Variants in EYS observed in about 807,000 individuals in gnomAD.
The protein encoded by EYS is protein eyes shut homolog.
In EYS, 250 loss-of-function variants were observed where a neutral mutation model predicts 282.1. The ratio of observed to expected loss-of-function variants is 0.89; its 90% CI spans 0.80 to 0.98. The LOEUF is 0.98. EYS is among the 50% of genes least tolerant of loss of function. The pLI, the probability that EYS is intolerant of heterozygous loss-of-function variation, is 0.00. For synonymous variants in EYS, 1,355 were observed against 1,282.9 expected (o/e 1.06, Z -1.20); for missense variants, 4,016 against 3,709.0 (o/e 1.08, Z -2.15).
intron 12 of EYS, among the ~76,000 whole-genome samples, chr6:65,272,088 C>A (rs1033740811): frequency 6.6e-6 from 1 of 152,138 alleles, no homozygotes; most frequent in Non-Finnish European, 1.5e-5. Flanking sequence ...TTTCTTTTCC[C>A]AGTCTGTCTA....
In EYS at chr6:65,453,154, C is replaced by T. The variant is rs548567575; in HGVS notation, c.862+37440G>A. Among the ~76,000 whole-genome samples the T allele has an allele frequency of 1.2e-3, 178 of 152,006 alleles. 4 individuals carry two copies. The South Asian group carries it at 0.036, about 30-fold the overall frequency. ...GGTATGTATGGGCAGGTTTATTGTT[C>T]GAAGTCCATATACAAACATAGCGTG... On this transcript the variant is annotated intron_variant, in intron 5 of 42. Coordinates refer to ENST00000503581, the MANE Select transcript of EYS (RefSeq NM_001142800.2).
At chr6:65,192,457 A>G (rs768170631) in intron 12 of EYS, among the ~76,000 whole-genome samples, 7 of 151,768 alleles carry the variant, frequency 4.6e-5, no homozygotes, top group African/African-American at 1.7e-4. Context: ...AAAAATGTTA[A>G]TAAAGGACTA....
At chr6:65,681,814 T>C (rs1768833291) in intron 1 of EYS, among the ~76,000 whole-genome samples, 1 of 151,902 alleles carries the variant, frequency 6.6e-6, no homozygotes, top group Non-Finnish European at 1.5e-5. Context: ...TTTGAGCCTC[T>C]TGCTAGTTTT....
Position 63,772,895 on chromosome 6 carries a change from G to A in EYS, c.7898+5111C>T, listed in dbSNP as rs1227211012. Among the ~76,000 whole-genome samples the A allele has an allele frequency of 3.9e-5, 6 of 152,054 alleles. No individual in the cohort carries two copies. The South Asian group carries it at 1.0e-3, about 26-fold the overall frequency. Reference sequence around the variant, plus strand: ...TTGCATTTTTTTCTTAGAAAAATATGAGCATATTTGTATGTGTATCTATAT... The same window carrying A: ...TTGCATTTTTTTCTTAGAAAAATATAAGCATATTTGTATGTGTATCTATAT... On this transcript the variant is annotated intron_variant, in intron 40 of 42. Coordinates refer to ENST00000503581, the MANE Select transcript of EYS (RefSeq NM_001142800.2).
chr6:64,346,718 C>T (rs1001749400), intron 29 of EYS, among the ~76,000 whole-genome samples: 1 of 150,578 alleles, frequency 6.6e-6, no homozygotes, highest in African/African-American at 2.4e-5. Context: ...TAAAATTAAA[C>T]AAAACAAAAC....
intron 19 of EYS, among the ~76,000 whole-genome samples, chr6:64,858,636 A>C (rs9351453): frequency 0.15 from 23,248 of 152,126 alleles, 2,009 homozygotes; most frequent in East Asian, 0.43. Flanking sequence ...ATGAAAAACA[A>C]CATGACTAAT....
chr6:65,533,197 A>C (rs1401759401), intron 2 of EYS, among the ~76,000 whole-genome samples: 1 of 152,184 alleles, frequency 6.6e-6, no homozygotes, highest in African/African-American at 2.4e-5. Flanking sequence ...AGAGAATACT[A>C]TAAACACCTT....
At chr6:65,546,995 A>G (rs565190008) in intron 2 of EYS, among the ~76,000 whole-genome samples, 1 of 152,038 alleles carries the variant, frequency 6.6e-6, no homozygotes, top group Admixed American at 6.6e-5. Flanking sequence ...ATCTAAAACA[A>G]CTAAAGGTAC....
At chr6:64,399,263 G>T (rs1773473757) in intron 28 of EYS, among the ~76,000 whole-genome samples, 1 of 151,404 alleles carries the variant, frequency 6.6e-6, no homozygotes, top group Non-Finnish European at 1.5e-5. Flanking sequence ...AGCAATATAA[G>T]CTCATTATAA....
intron 15 of EYS, among the ~76,000 whole-genome samples, chr6:64,942,812 C>G (rs1469264995): frequency 6.0e-5 from 8 of 132,410 alleles, no homozygotes; most frequent in Non-Finnish European, 9.3e-5. Flanking sequence ...GGTACCCATT[C>G]TACTGTAACT....
At chr6:64,211,266 A>C (rs1307064302) in intron 31 of EYS, among the ~76,000 whole-genome samples, 1 of 152,158 alleles carries the variant, frequency 6.6e-6, no homozygotes, top group Non-Finnish European at 1.5e-5. Context: ...TTTATTTTTA[A>C]TTGGCAAATG....
At chr6:64,872,007 A>T (rs1426688775) in intron 19 of EYS, among the ~76,000 whole-genome samples, 1 of 152,092 alleles carries the variant, frequency 6.6e-6, no homozygotes, top group Non-Finnish European at 1.5e-5. Context: ...GGACAAAAGT[A>T]GCAAATGAAG....
intron 29 of EYS, among the ~76,000 whole-genome samples, chr6:64,357,520 C>A (rs1273022603): frequency 6.6e-6 from 1 of 151,682 alleles, no homozygotes; most frequent in Middle Eastern, 3.4e-3. Context: ...TCAGACATAT[C>A]TGGCTAACTT....
At chr6:64,485,093 C>T (rs940838341) in intron 26 of EYS, among the ~76,000 whole-genome samples, 4 of 151,480 alleles carry the variant, frequency 2.6e-5, no homozygotes, top group African/African-American at 9.7e-5. Context: ...AAGTGGCCCC[C>T]AAAAAAGGAA....
chr6:64,325,773 G>A (rs1770392974), intron 29 of EYS, among the ~76,000 whole-genome samples: 1 of 152,072 alleles, frequency 6.6e-6, no homozygotes, highest in African/African-American at 2.4e-5. Flanking sequence ...AAATTCTCTG[G>A]AAAGTCTCAG....
chr6:64,002,172 T>C (rs1374795602), intron 33 of EYS, among the ~76,000 whole-genome samples: 1 of 152,090 alleles, frequency 6.6e-6, no homozygotes, highest in East Asian at 1.9e-4. Context: ...AAGGGGAGTT[T>C]GGCTGGGGGC....
intron 22 of EYS, among the ~76,000 whole-genome samples, chr6:64,787,374 A>G (rs1583158537): frequency 6.6e-6 from 1 of 152,140 alleles, no homozygotes; most frequent in Non-Finnish European, 1.5e-5. Context: ...TTTTGCAAGC[A>G]TTGTTCCCTT....
intron 28 of EYS, among the ~76,000 whole-genome samples, chr6:64,390,456 G>A (rs1773080606): frequency 6.6e-6 from 1 of 151,816 alleles, no homozygotes; most frequent in African/African-American, 2.4e-5. Context: ...CCTCAAGTGG[G>A]TCCCTCACCC....
intron 22 of EYS, among the ~76,000 whole-genome samples, chr6:64,764,930 T>C (rs1773275947): frequency 6.6e-6 from 1 of 152,142 alleles, no homozygotes; most frequent in South Asian, 2.1e-4. Context: ...AGAGATATGG[T>C]ATCTCCATGT....
Sources: gnomAD v4.1 joint callset for allele counts (sites outside exome capture counted in the v4.1 genomes callset) on GRCh38, gnomAD v4.1.1 for gene constraint, MANE v1.5 for transcripts, NCBI Gene and HGNC (gene_info 2026-07-23, HGNC 2026-07-21) for gene names.